Variants in PIGU observed in about 807,000 individuals in gnomAD.
The protein encoded by PIGU is phosphatidylinositol glycan anchor biosynthesis class U, also known as GPI-anchor transamidase component PIGU.
Under a neutral mutation model 49.9 loss-of-function variants are expected in PIGU, and 24 were observed. The observed-to-expected ratio is 0.48, with a 90% CI of 0.35 to 0.68. PIGU has a LOEUF of 0.68. Ranked by LOEUF, PIGU falls within the 30% of genes least tolerant of loss-of-function variation. PIGU has a pLI of 0.01. For missense variants in PIGU, 490 were observed against 532.6 expected, an observed-to-expected ratio of 0.92 and a Z score of 0.79; for synonymous variants, 220 against 205.7, an observed-to-expected ratio of 1.07 and a Z score of -0.59.
At position 34,588,438 on chromosome 20, in the gene PIGU, G is replaced by A. The variant is rs758673824; in HGVS notation, c.782+15C>T. 1.2e-6 allele frequency: 2 copies of A among 1,605,136 alleles called. No homozygotes were observed. Among genetic ancestry groups the A allele is most frequent in the South Asian group, 1.1e-5 (1 of 89,876 alleles). ...CCCACAGCTTCTAGAATTTTCTAAC[G>A]TGGTCATTACTTACATAAAGCCATA... is the stretch of plus-strand genomic sequence containing the variant. On this transcript the variant is annotated intron_variant, in intron 8 of 11. Coordinates refer to ENST00000217446, the MANE Select transcript of PIGU (RefSeq NM_080476.5).
chr20:34,636,479 G>A (rs781188621), intron 5 of PIGU, among the ~76,000 whole-genome samples: 12 of 152,098 alleles, frequency 7.9e-5, no homozygotes, highest in African/African-American at 1.2e-4. Flanking sequence ...AGGAGGTAGA[G>A]GTTGCAGTGA....
At chr20:34,631,167 G>A (rs904735787) in intron 6 of PIGU, among the ~76,000 whole-genome samples, 3 of 151,814 alleles carry the variant, frequency 2.0e-5, no homozygotes, top group Admixed American at 1.3e-4. Flanking sequence ...AACAACCAGA[G>A]ACCAGATAAA....
chr20:34,576,934 A>T (rs1352769495), intron 10 of PIGU, among the ~76,000 whole-genome samples: 1 of 152,142 alleles, frequency 6.6e-6, no homozygotes, highest in Admixed American at 6.5e-5. Context: ...CTCCCCTCCC[A>T]AGGTCTTAAA....
chr20:34,629,398 G>T (rs952352539), intron 6 of PIGU, among the ~76,000 whole-genome samples: 1 of 152,126 alleles, frequency 6.6e-6, no homozygotes, highest in Non-Finnish European at 1.5e-5. Flanking sequence ...GCCTGACTAG[G>T]CTTGCTCACT....
chr20:34,598,711 G>A (rs1468776165), intron 7 of PIGU, among the ~76,000 whole-genome samples: 1 of 152,196 alleles, frequency 6.6e-6, no homozygotes, highest in African/African-American at 2.4e-5. Context: ...GCAGGGTTCT[G>A]TTGCCCTTGG....
At chr20:34,569,299 G>A (rs548477513) in intron 11 of PIGU, among the ~76,000 whole-genome samples, 29 of 152,178 alleles carry the variant, frequency 1.9e-4, no homozygotes, top group Middle Eastern at 6.8e-3. Context: ...GCGTGATCTC[G>A]GCTCACTGCA....
At chr20:34,653,935 G>GC (rs760065105) in intron 2 of PIGU, among the ~76,000 whole-genome samples, 53 of 151,674 alleles carry the variant, frequency 3.5e-4, no homozygotes, top group Non-Finnish European at 6.9e-4. Context: ...TCGGCTCACT[G>GC]CAAGCTCCGC....
At chr20:34,622,504 A>T (rs1985280246) in intron 6 of PIGU, among the ~76,000 whole-genome samples, 1 of 152,016 alleles carries the variant, frequency 6.6e-6, no homozygotes, top group Non-Finnish European at 1.5e-5. Context: ...GAGACACAGC[A>T]AGAGTCCGTC....
intron 7 of PIGU, among the ~76,000 whole-genome samples, chr20:34,615,404 A>G (rs114820741): frequency 6.3e-4 from 96 of 152,348 alleles, no homozygotes; most frequent in African/African-American, 2.2e-3. Flanking sequence ...AAGTTAAAGA[A>G]ATGAGCTCAG....
At position 34,638,600 on chromosome 20, in the gene PIGU, T is replaced by C. The variant is rs548770759; in HGVS notation, c.319-615A>G. The stretch of plus-strand genomic sequence containing the variant: ...GTGGCCTAAAGACTCCAAAGTTCCA[T>C]CCATGAAGAAGTATTGTCAAGCAAG... On this transcript the variant is annotated intron_variant, in intron 4 of 11. Transcript: ENST00000217446. Among the ~76,000 whole-genome samples the C allele has an allele frequency of 2.5e-3, 377 of 152,314 alleles. 1 individual carries two copies. Among genetic ancestry groups the C allele is most frequent in the Non-Finnish European group, 4.5e-3 (304 of 68,032 alleles).
At position 34,587,134 on chromosome 20, in the gene PIGU, G is replaced by A. The variant is rs576718676; in HGVS notation, c.782+1319C>T. ...ACAGCACTGGCATCACCTGGAAACCGGAGAAATGCAAATTGTTGATCCCTC... is the reference window on the plus strand; with the variant it reads ...ACAGCACTGGCATCACCTGGAAACCAGAGAAATGCAAATTGTTGATCCCTC... On this transcript the variant is annotated intron_variant, in intron 8 of 11. Transcript: ENST00000217446. Among the ~76,000 whole-genome samples the A allele has an allele frequency of 1.4e-4, 22 of 152,254 alleles. No individual in the cohort carries two copies. The South Asian group carries it at 4.6e-3, about 32-fold the overall frequency.
chr20:34,675,158 G>A (rs1470648411), intron 1 of PIGU, among the ~76,000 whole-genome samples: 4 of 144,324 alleles, frequency 2.8e-5, no homozygotes, highest in African/African-American at 1.0e-4. Context: ...TGAGGCAGAA[G>A]AATTGCTTGA....
chr20:34,593,734 C>G (rs1984086312), intron 7 of PIGU, among the ~76,000 whole-genome samples: 1 of 152,128 alleles, frequency 6.6e-6, no homozygotes, highest in Admixed American at 6.5e-5. Flanking sequence ...GCTTAGGGAT[C>G]CAAATATATT....
At chr20:34,634,745 G>C (rs749911187) in intron 5 of PIGU, 30 bp from the exon 6 acceptor site, 12 of 1,604,570 alleles carry the variant, frequency 7.5e-6, no homozygotes, top group South Asian at 4.4e-5. Flanking sequence ...TTTGGCATTA[G>C]TAATCCTGAC....
chr20:34,612,534 A>T (rs551094816), intron 7 of PIGU, among the ~76,000 whole-genome samples: 8 of 152,210 alleles, frequency 5.3e-5, no homozygotes, highest in Admixed American at 3.9e-4. Context: ...GTAAAATTTA[A>T]AAAAAAATTA....
intron 3 of PIGU, among the ~76,000 whole-genome samples, chr20:34,644,768 A>T (rs1340833933): frequency 6.6e-6 from 1 of 152,132 alleles, no homozygotes; most frequent in Admixed American, 6.6e-5. Context: ...TGACTCACAG[A>T]ATCTCTTGGC....
intron 2 of PIGU, among the ~76,000 whole-genome samples, chr20:34,652,852 G>A (rs929464324): frequency 6.6e-6 from 1 of 151,942 alleles, no homozygotes; most frequent in African/African-American, 2.4e-5. Flanking sequence ...AACTTACTGA[G>A]CCTTGTTTTA....
chr20:34,581,410 T>C, intron 10 of PIGU, 138 bp downstream of exon 10: 1 of 1,215,822 alleles, frequency 8.2e-7, no homozygotes, highest in Non-Finnish European at 1.1e-6. Context: ...GCAGATATTG[T>C]GCTTCATGCC....
At chr20:34,653,149 T>A (rs1568659849) in intron 2 of PIGU, among the ~76,000 whole-genome samples, 1 of 152,140 alleles carries the variant, frequency 6.6e-6, no homozygotes, top group Non-Finnish European at 1.5e-5. Flanking sequence ...ATTTTTCTAT[T>A]TTTAGCAGAG....
Sources: gnomAD v4.1 joint callset for allele counts (sites outside exome capture counted in the v4.1 genomes callset) on GRCh38, gnomAD v4.1.1 for gene constraint, MANE v1.5 for transcripts, NCBI Gene and HGNC (gene_info 2026-07-23, HGNC 2026-07-21) for gene names.